CDH20: variants seen among roughly 807,000 people sequenced by gnomAD.
CDH20 encodes cadherin-20.
Under a neutral mutation model 74.2 loss-of-function variants are expected in CDH20, and 29 were observed. That is an observed-to-expected ratio of 0.39 (90% CI 0.29 to 0.53). The LOEUF is 0.53. CDH20 is among the 20% of genes least tolerant of loss of function. CDH20 has a pLI of 0.69. For missense variants in CDH20, 988 were observed against 1,048.3 expected, an observed-to-expected ratio of 0.94 and a Z score of 0.79; for synonymous variants, 469 against 405.4, an observed-to-expected ratio of 1.16 and a Z score of -1.88.
At chr18:61,433,097 T>C (rs1396307346) in intron 1 of CDH20, among the ~76,000 whole-genome samples, 2 of 152,194 alleles carry the variant, frequency 1.3e-5, no homozygotes, top group Non-Finnish European at 2.9e-5. Context: ...GAGTTACCTC[T>C]CTAGGCCTCA....
chr18:61,489,727 C>T (rs666527), intron 1 of CDH20, among the ~76,000 whole-genome samples: 150,939 of 152,142 alleles, frequency 0.99, 74,889 homozygotes, highest in Middle Eastern at 1. Flanking sequence ...ATATAATGAT[C>T]AACTGACCAT....
intron 1 of CDH20, among the ~76,000 whole-genome samples, chr18:61,357,740 G>GTT (rs540596503): frequency 6.6e-6 from 1 of 151,302 alleles, no homozygotes; most frequent in African/African-American, 2.4e-5. Context: ...TCAACTGTTT[G>GTT]TTTTTTTTTA....
At chr18:61,400,406 CTTCAG>C (rs1912118897) in intron 1 of CDH20, among the ~76,000 whole-genome samples, 1 of 152,186 alleles carries the variant, frequency 6.6e-6, no homozygotes, top group Admixed American at 6.5e-5. Context: ...TCATTCTTTT[CTTCAG>C]TTAACTTGCG....
chr18:61,468,009 T>C (rs1438293375), intron 1 of CDH20, among the ~76,000 whole-genome samples: 1 of 151,960 alleles, frequency 6.6e-6, no homozygotes, highest in Non-Finnish European at 1.5e-5. Context: ...ACAAAGAGGT[T>C]AAGTACTTGC....
At chr18:61,538,471 G>T (rs941401750) in intron 8 of CDH20, among the ~76,000 whole-genome samples, 2 of 151,626 alleles carry the variant, frequency 1.3e-5, no homozygotes, top group Non-Finnish European at 2.9e-5. Context: ...AACTTCTCAT[G>T]TCCGGCCACA....
intron 1 of CDH20, among the ~76,000 whole-genome samples, chr18:61,399,850 A>G (rs1912101064): frequency 6.6e-6 from 1 of 152,234 alleles, no homozygotes; most frequent in African/African-American, 2.4e-5. Context: ...ACTCATGTAT[A>G]ATGAAATGAA....
rs897293286 is a variant in CDH20, at chr18:61,519,319, G to A, written c.1018-8648G>A. ...AAGAGCAACCCCAAGACACATAATCGTCAGATTCACCAAGGTTGAAATGAA... is the reference window on the plus strand; with the variant it reads ...AAGAGCAACCCCAAGACACATAATCATCAGATTCACCAAGGTTGAAATGAA... On this transcript the variant is annotated intron_variant, in intron 6 of 11. Coordinates refer to ENST00000262717, the MANE Select transcript of CDH20 (RefSeq NM_031891.4). Among the ~76,000 whole-genome samples the A allele has an allele frequency of 6.5e-4, 99 of 151,174 alleles. 6 individuals are homozygous for A. The highest frequency in any genetic ancestry group is 2.3e-3 in the African/African-American group (93 of 40,688).
At chr18:61,502,253 C>T (rs552849454) in intron 4 of CDH20, among the ~76,000 whole-genome samples, 1 of 152,236 alleles carries the variant, frequency 6.6e-6, no homozygotes, top group South Asian at 2.1e-4. Flanking sequence ...GTAGGCCTCT[C>T]TTCTTAAATG....
intron 1 of CDH20, among the ~76,000 whole-genome samples, chr18:61,476,131 GA>G (rs1421890007): frequency 1.3e-5 from 2 of 152,100 alleles, no homozygotes; most frequent in African/African-American, 4.8e-5. Context: ...TCCCCGTTAA[GA>G]TGCGTGTGGA....
intron 1 of CDH20, among the ~76,000 whole-genome samples, chr18:61,383,275 G>A (rs1000574747): frequency 6.6e-6 from 1 of 152,106 alleles, no homozygotes; most frequent in African/African-American, 2.4e-5. Flanking sequence ...TTGGGAATTA[G>A]TTCAATAAAA....
At chr18:61,434,608 C>T (rs1290579666) in intron 1 of CDH20, among the ~76,000 whole-genome samples, 1 of 152,024 alleles carries the variant, frequency 6.6e-6, no homozygotes, top group African/African-American at 2.4e-5. Context: ...ACCCACTTCT[C>T]CCTGCTGCAA....
intron 2 of CDH20, among the ~76,000 whole-genome samples, chr18:61,492,594 C>A (rs1375041276): frequency 6.6e-6 from 1 of 152,204 alleles, no homozygotes; most frequent in Non-Finnish European, 1.5e-5. Flanking sequence ...CCCTCATTCT[C>A]GCGTTGCAGC....
At chr18:61,356,669 T>C (rs943997607) in intron 1 of CDH20, among the ~76,000 whole-genome samples, 1 of 152,192 alleles carries the variant, frequency 6.6e-6, no homozygotes, top group African/African-American at 2.4e-5. Context: ...TGTTTTTCAT[T>C]AGGATGATCC....
Position 61,539,221 on chromosome 18 carries a change from C to T in CDH20, c.1530+76C>T, listed in dbSNP as rs1912939103. On this transcript the variant is annotated intron_variant, in intron 9 of 11. Transcript: ENST00000262717. ...ACAATTGTTAGATAACCAAATTCAC[C>T]ATCAAAGCCATTTTGACTCCAGAAA... The T allele has an allele frequency of 8.9e-6, 13 of 1,466,626 alleles. No homozygotes were observed. In the South Asian group the frequency reaches 1.3e-4, roughly 15 times the overall value. The allele number at this position is 1,466,626 out of a possible 1,614,324, so 90.9% of individuals were successfully genotyped here.
At chr18:61,345,917 T>C (rs1271091720) in intron 1 of CDH20, among the ~76,000 whole-genome samples, 4 of 152,146 alleles carry the variant, frequency 2.6e-5, no homozygotes, top group African/African-American at 7.2e-5. Flanking sequence ...CCTTTCTGGA[T>C]TCACCAAACT....
At chr18:61,415,652 G>A (rs1912657965) in intron 1 of CDH20, among the ~76,000 whole-genome samples, 1 of 152,146 alleles carries the variant, frequency 6.6e-6, no homozygotes, top group African/African-American at 2.4e-5. Flanking sequence ...CTCAAAAGTA[G>A]AATGCTGCTC....
intron 1 of CDH20, among the ~76,000 whole-genome samples, chr18:61,486,999 TAAACA>T (rs1214583505): frequency 1.3e-5 from 2 of 152,184 alleles, no homozygotes; most frequent in African/African-American, 2.4e-5. Flanking sequence ...CGTAACAAAC[TAAACA>T]ATTCACTGAA....
chr18:61,364,551 A>G (rs985026597), intron 1 of CDH20, among the ~76,000 whole-genome samples: 9 of 152,200 alleles, frequency 5.9e-5, no homozygotes, highest in Non-Finnish European at 1.0e-4. Context: ...ACCTCAGGTG[A>G]TCTGCCTGCC....
At chr18:61,538,021 T>C (rs1472000421) in intron 8 of CDH20, among the ~76,000 whole-genome samples, 2 of 152,176 alleles carry the variant, frequency 1.3e-5, no homozygotes, top group Admixed American at 6.5e-5. Flanking sequence ...TGTCTCTGCA[T>C]GGCAGTGCCA....
Sources: gnomAD v4.1 joint callset for allele counts (sites outside exome capture counted in the v4.1 genomes callset) on GRCh38, gnomAD v4.1.1 for gene constraint, MANE v1.5 for transcripts, NCBI Gene and HGNC (gene_info 2026-07-23, HGNC 2026-07-21) for gene names.